The following RPSA2 variants were observed in gnomAD, a reference collection of about 807,000 sequenced individuals.
The protein encoded by RPSA2 is small ribosomal subunit protein uS2B.
chr19:23,863,184 C>G, the RPSA2 span, among the ~76,000 whole-genome samples: 1 of 152,150 alleles, frequency 6.6e-6, no homozygotes, highest in African/African-American at 2.4e-5. Flanking sequence ...AATGCAAATA[C>G]AAGCAAACTT....
the RPSA2 span, among the ~76,000 whole-genome samples, chr19:23,865,610 G>T: frequency 1.3e-5 from 2 of 152,140 alleles, no homozygotes; most frequent in African/African-American, 4.8e-5. Context: ...GCAGGAGAAA[G>T]GGGGAGAATT....
chr19:23,808,272 A>AATTTTTTTTTTTTTTTTTTTTTTTT, the RPSA2 span, among the ~76,000 whole-genome samples: 2 of 126,930 alleles, frequency 1.6e-5, 1 homozygote. Flanking sequence ...TACAAAATTA[A>AATTTTTTTTTTTTTTTTTTTTTTTT]TTTTTTTTTT....
the RPSA2 span, among the ~76,000 whole-genome samples, chr19:23,829,598 A>G: frequency 6.6e-6 from 1 of 152,140 alleles, no homozygotes; most frequent in Non-Finnish European, 1.5e-5. Flanking sequence ...ACCATGCCCA[A>G]CCTCTTTTGT....
chr19:23,763,803 A>G, the RPSA2 span, among the ~76,000 whole-genome samples: 1 of 152,166 alleles, frequency 6.6e-6, no homozygotes, highest in Non-Finnish European at 1.5e-5. Flanking sequence ...GTCAGGGTTA[A>G]AACCTTAAAG....
At chr19:23,857,591 A>G in the RPSA2 span, among the ~76,000 whole-genome samples, 1 of 148,584 alleles carries the variant, frequency 6.7e-6, no homozygotes, top group Non-Finnish European at 1.5e-5. Context: ...TCCAATTTGA[A>G]GAGATTCTCC....
chr19:23,838,191 T>C, the RPSA2 span, among the ~76,000 whole-genome samples: 1 of 152,238 alleles, frequency 6.6e-6, no homozygotes, highest in African/African-American at 2.4e-5. Context: ...TCTGCATCTA[T>C]TGAGATGATC....
the RPSA2 span, among the ~76,000 whole-genome samples, chr19:23,834,750 C>A: frequency 2.0e-5 from 3 of 152,118 alleles, no homozygotes; most frequent in East Asian, 3.9e-4. Flanking sequence ...GTGCCACTAA[C>A]TTTAACCTAT....
the RPSA2 span, among the ~76,000 whole-genome samples, chr19:23,828,936 G>GACAC: frequency 0.12 from 17,888 of 148,274 alleles, 1,097 homozygotes; most frequent in Middle Eastern, 0.15. Flanking sequence ...CCTAATGTGA[G>GACAC]ACACACACAC....
the RPSA2 span, among the ~76,000 whole-genome samples, chr19:23,839,948 C>T: frequency 1.3e-5 from 2 of 152,214 alleles, no homozygotes; most frequent in South Asian, 4.1e-4. Flanking sequence ...GCAGTGGTGG[C>T]ACTCACTGTA....
chr19:23,863,671 A>C, the RPSA2 span, among the ~76,000 whole-genome samples: 6 of 152,288 alleles, frequency 3.9e-5, no homozygotes, highest in African/African-American at 1.4e-4. Context: ...AGTTTTCTGA[A>C]GAAACACAAG....
chr19:23,769,135 TG>T, the RPSA2 span, among the ~76,000 whole-genome samples: 1 of 152,234 alleles, frequency 6.6e-6, no homozygotes, highest in African/African-American at 2.4e-5. Flanking sequence ...CTCTTCTCCC[TG>T]GGACCTGTCC....
the RPSA2 span, among the ~76,000 whole-genome samples, chr19:23,822,136 C>T: frequency 6.6e-6 from 1 of 152,194 alleles, no homozygotes; most frequent in Non-Finnish European, 1.5e-5. Flanking sequence ...CTAGGGCTCC[C>T]ATCAATTCGC....
chr19:23,850,982 T>C, the RPSA2 span, among the ~76,000 whole-genome samples: 3 of 152,216 alleles, frequency 2.0e-5, no homozygotes, highest in Non-Finnish European at 4.4e-5. Flanking sequence ...TTCCCCATTG[T>C]TGCATAAATA....
chr19:23,868,704 G>T, the RPSA2 span, among the ~76,000 whole-genome samples: 5 of 152,204 alleles, frequency 3.3e-5, no homozygotes, highest in Admixed American at 2.0e-4. Flanking sequence ...CAATGGAAAG[G>T]TATGGTGGAT....
At chr19:23,849,496 G>A in the RPSA2 span, among the ~76,000 whole-genome samples, 14 of 152,282 alleles carry the variant, frequency 9.2e-5, no homozygotes, top group African/African-American at 2.2e-4. Flanking sequence ...AAAAGTTTCC[G>A]CTTTCCATAC....
chr19:23,828,763 A>G, the RPSA2 span, among the ~76,000 whole-genome samples: 3,521 of 152,036 alleles, frequency 0.023, 61 homozygotes, highest in South Asian at 0.036. Flanking sequence ...TCTGTTTGGA[A>G]TAATTGTTTT....
the RPSA2 span, among the ~76,000 whole-genome samples, chr19:23,813,670 C>T: frequency 1.0e-4 from 15 of 150,510 alleles, no homozygotes; most frequent in African/African-American, 3.7e-4. Flanking sequence ...ATAAGAAGTA[C>T]ATTTATAACA....
At chr19:23,870,892 A>G in the RPSA2 span, among the ~76,000 whole-genome samples, 1 of 152,200 alleles carries the variant, frequency 6.6e-6, no homozygotes, top group African/African-American at 2.4e-5. Flanking sequence ...TGAATGCAGA[A>G]TGTGGGCAAA....
At chr19:23,822,363 T>C in the RPSA2 span, among the ~76,000 whole-genome samples, 4,896 of 152,282 alleles carry the variant, frequency 0.032, 129 homozygotes, top group Non-Finnish European at 0.049. Flanking sequence ...GAGAGCTGCC[T>C]GGGCTATCCT....
Sources: gnomAD v4.1 joint callset for allele counts (sites outside exome capture counted in the v4.1 genomes callset) on GRCh38, gnomAD v4.1.1 for gene constraint, MANE v1.5 for transcripts, NCBI Gene and HGNC (gene_info 2026-07-23, HGNC 2026-07-21) for gene names.